The following PCDHA12 variants were observed in gnomAD, a reference collection of about 807,000 sequenced individuals.
The protein encoded by PCDHA12 is protocadherin alpha 12, also known as protocadherin alpha-12.
Under a neutral mutation model 60.0 loss-of-function variants are expected in PCDHA12, and 44 were observed. The ratio of observed to expected loss-of-function variants is 0.73; its 90% CI spans 0.58 to 0.94. PCDHA12 has a LOEUF of 0.94. Ranked by LOEUF, PCDHA12 falls within the 40% of genes least tolerant of loss-of-function variation. The pLI, the probability that PCDHA12 is intolerant of heterozygous loss-of-function variation, is 0.00. For missense variants in PCDHA12, 1,276 were observed against 1,239.7 expected, an observed-to-expected ratio of 1.03 and a Z score of -0.44; for synonymous variants, 569 against 553.0, an observed-to-expected ratio of 1.03 and a Z score of -0.40.
Position 140,875,692 on chromosome 5 carries a change from C to G in PCDHA12, c.220C>G (p.Leu74Val), listed in dbSNP as rs781893034. The change falls in exon 1 of 4, where the codon CTT becomes GTT. Residue 74 changes from leucine to valine, a missense_variant. Physicochemically the swap from Leu to Val is conservative, Grantham distance 32 (BLOSUM62 1). Coordinates refer to ENST00000398631, the MANE Select transcript of PCDHA12 (RefSeq NM_018903.4). ...FRVASKRHGD[L>V]LEVNLQNGIL... ...GGTGGCGTCCAAAAGACACGGGGAC[C>G]TTCTGGAGGTAAATCTGCAGAATGG... The G allele has an allele frequency of 3.7e-6, 6 of 1,613,938 alleles. No individual in the cohort carries two copies. In the African/African-American group the frequency reaches 5.3e-5, roughly 14 times the overall value.
intron 1 of PCDHA12, chr5:140,881,920 T>G (rs1205220705): frequency 1.2e-5 from 3 of 257,650 alleles, no homozygotes; most frequent in African/African-American, 6.6e-5. Flanking sequence ...TTGAGCAGAA[T>G]GCAGTGATTT....
intron 1 of PCDHA12, among the ~76,000 whole-genome samples, chr5:140,890,258 A>G (rs2062565845): frequency 6.6e-6 from 1 of 152,030 alleles, no homozygotes; most frequent in East Asian, 1.9e-4. Flanking sequence ...ACTGCACCTG[A>G]TTGCAAGCAA....
chr5:141,010,136 CTCTT>C lies in PCDHA12; in HGVS notation c.*203_*206del, dbSNP rs782073868. The C allele has an allele frequency of 1.9e-6, 3 of 1,594,824 alleles. No homozygotes were observed. Among genetic ancestry groups the C allele is most frequent in the Non-Finnish European group, 2.6e-6 (3 of 1,169,724 alleles). On this transcript the variant is annotated 3_prime_UTR_variant, in exon 4 of 4. Transcript: ENST00000398631. ...AAAGCTTTACTAAGTCTGGTGTTAACTCTTTCTCTCCACTCTGGCTTGTTTTCAG... is the reference window on the plus strand; with the variant it reads ...AAAGCTTTACTAAGTCTGGTGTTAACTCTCTCCACTCTGGCTTGTTTTCAG...
intron 1 of PCDHA12, among the ~76,000 whole-genome samples, chr5:140,895,039 C>T (rs1274502441): frequency 6.6e-6 from 1 of 152,060 alleles, no homozygotes. Context: ...GTCCCCCACC[C>T]ACACCATTCT....
At position 140,876,334 on chromosome 5, in the gene PCDHA12, A is replaced by G. The variant is rs782377581; in HGVS notation, c.862A>G (p.Ser288Gly). The G allele has an allele frequency of 1.9e-6, 3 of 1,613,912 alleles. No homozygotes were observed. The highest frequency in any genetic ancestry group is 1.3e-5 in the African/African-American group (1 of 74,950). ...TGGGATCAAAATGATTTTGCCAGTG[A>G]GTGAGAAATGTATGTTTTCAATAAA... is the stretch of plus-strand genomic sequence containing the variant. ...SYGIKMILPV[S>G]EKCMFSINPD... Residue 288 changes from serine (S) to glycine (G), a missense_variant, in exon 1 of 4, where the codon AGT becomes GGT. Ser to Gly is a moderately conservative substitution (Grantham distance 56, BLOSUM62 0). Coordinates refer to ENST00000398631, the MANE Select transcript of PCDHA12 (RefSeq NM_018903.4).
intron 1 of PCDHA12, among the ~76,000 whole-genome samples, chr5:140,948,711 C>CT (rs1443735728): frequency 6.8e-6 from 1 of 147,398 alleles, no homozygotes; most frequent in African/African-American, 2.7e-5. Context: ...GTTCTATCCT[C>CT]TTTTTTATCA....
intron 1 of PCDHA12, among the ~76,000 whole-genome samples, chr5:140,901,260 T>G (rs1554189701): frequency 1.3e-5 from 2 of 152,190 alleles, no homozygotes; most frequent in African/African-American, 2.4e-5. Flanking sequence ...CCTGTGATTG[T>G]GGGGTATTAC....
In PCDHA12 at chr5:140,986,314, A is replaced by G. The variant is rs551389701; in HGVS notation, c.2515+3751A>G. On this transcript the variant is annotated intron_variant, in intron 3 of 3. Transcript: ENST00000398631. ...TGAGCAGAGAGAGAAAATTAGCTAA[A>G]TCAGGAATGCAGGGAATACAGTTGC... 9.4e-4 allele frequency among the ~76,000 whole-genome samples: 143 copies of G among 152,196 alleles called. 1 individual carries two copies. The highest frequency in any genetic ancestry group is 1.6e-3 in the Non-Finnish European group (110 of 68,030).
At chr5:140,939,060 A>G (rs1435006375) in intron 1 of PCDHA12, among the ~76,000 whole-genome samples, 1 of 152,208 alleles carries the variant, frequency 6.6e-6, no homozygotes, top group Non-Finnish European at 1.5e-5. Flanking sequence ...TTGGGCTGCT[A>G]TATCAAAATA....
chr5:140,979,090 C>A, intron 2 of PCDHA12, 83 bp downstream of exon 2: 1 of 1,557,284 alleles, frequency 6.4e-7, no homozygotes, highest in Non-Finnish European at 8.7e-7. Flanking sequence ...AGGCCAGAAG[C>A]AGCTGTCAAA....
intron 1 of PCDHA12, among the ~76,000 whole-genome samples, chr5:140,924,015 A>G (rs2081623207): frequency 6.6e-6 from 1 of 152,164 alleles, no homozygotes; most frequent in Admixed American, 6.5e-5. Flanking sequence ...AACCTGGTAT[A>G]ATTGGAGGCA....
At chr5:140,937,786 T>C (rs246073) in intron 1 of PCDHA12, among the ~76,000 whole-genome samples, 52,378 of 148,788 alleles carry the variant, frequency 0.35, 9,253 homozygotes, top group East Asian at 0.54. Flanking sequence ...GTGGCGGGCG[T>C]ATGTAGTCCC....
chr5:140,891,712 C>T (rs2063219356), intron 1 of PCDHA12, among the ~76,000 whole-genome samples: 1 of 152,148 alleles, frequency 6.6e-6, no homozygotes, highest in Non-Finnish European at 1.5e-5. Context: ...TTTGTACCCC[C>T]AAATTCATGT....
intron 1 of PCDHA12, among the ~76,000 whole-genome samples, chr5:140,923,387 G>T (rs564592920): frequency 6.6e-6 from 1 of 152,254 alleles, no homozygotes; most frequent in Admixed American, 6.5e-5. Context: ...AATTAGTTGG[G>T]CATGGTGGTG....
intron 1 of PCDHA12, chr5:140,884,122 G>A (rs1212118784): frequency 6.2e-7 from 1 of 1,613,306 alleles, no homozygotes; most frequent in East Asian, 2.2e-5. Flanking sequence ...CGGTCGGCGC[G>A]CGCATCCCGT....
chr5:140,928,513 A>AT (rs1563106002), intron 1 of PCDHA12: 1 of 1,614,182 alleles, frequency 6.2e-7, no homozygotes, highest in South Asian at 1.1e-5. Flanking sequence ...AACAGTGACT[A>AT]TAAACTTGTT....
In PCDHA12 at chr5:140,876,387, T is replaced by C. The variant is rs2056316391; in HGVS notation, c.915T>C (p.Tyr305=). 6.2e-7 allele frequency: 1 copy of C among 1,613,830 alleles called. No individual in the cohort carries two copies. Among genetic ancestry groups the C allele is most frequent in the Admixed American group, 1.7e-5 (1 of 60,008 alleles). Residue 305 remains tyrosine, a synonymous_variant, in exon 1 of 4, where the codon TAT becomes TAC. Coordinates refer to ENST00000398631, the MANE Select transcript of PCDHA12 (RefSeq NM_018903.4). ...CAGACACAGGTGAAATTAGAATTTA[T>C]GGTGAACTGGATTTTGAAGAGAATA... ...INPDTGEIRI[Y]GELDFEENNA...
chr5:140,966,862 G>T (rs782810195), intron 1 of PCDHA12: 1 of 1,562,198 alleles, frequency 6.4e-7, no homozygotes. Context: ...TGCTGCTGTT[G>T]CTGCTGCTGC....
rs200960356 is a variant in PCDHA12 at position 140,876,967 on chromosome 5, G to A, written c.1495G>A (p.Val499Met). 7 of 1,612,934 alleles carry A rather than the reference G, an allele frequency of 4.3e-6. No individual in the cohort carries two copies. Among genetic ancestry groups the A allele is most frequent in the African/African-American group, 2.7e-5 (2 of 74,920 alleles). ...GTCCTACTCGCTGGTGGAGCGGCGG[G>A]TGGGCGAGCACGCACTGTCGAGCTA... is the stretch of plus-strand genomic sequence containing the variant. The part of the protein sequence containing the change: ...LVSYSLVERR[V>M]GEHALSSYVS... The change falls in exon 1 of 4, where the codon GTG becomes ATG. Residue 499 changes from valine to methionine, a missense_variant. Coordinates refer to ENST00000398631, the MANE Select transcript of PCDHA12 (RefSeq NM_018903.4).
Sources: gnomAD v4.1 joint callset for allele counts (sites outside exome capture counted in the v4.1 genomes callset) on GRCh38, gnomAD v4.1.1 for gene constraint, MANE v1.5 for transcripts, NCBI Gene and HGNC (gene_info 2026-07-23, HGNC 2026-07-21) for gene names.